ITGA9: variants seen among roughly 807,000 people sequenced by gnomAD.
The protein encoded by ITGA9 is integrin alpha-9.
ITGA9 carries 56 observed loss-of-function variants against 127.8 expected under a neutral mutation model. The ratio of observed to expected loss-of-function variants is 0.44; its 90% CI spans 0.35 to 0.55. The LOEUF (loss-of-function observed/expected upper bound fraction) is 0.55, where lower values mean the gene tolerates loss of function less well. Ranked by LOEUF, ITGA9 falls within the 20% of genes least tolerant of loss-of-function variation. The pLI, the probability that ITGA9 is intolerant of heterozygous loss-of-function variation, is 0.00. For missense variants in ITGA9, 1,196 were observed against 1,347.1 expected (o/e 0.89, Z 1.76); for synonymous variants, 508 against 514.5 (o/e 0.99, Z 0.17).
chr3:37,708,668 G>T (rs1392551252), intron 18 of ITGA9, among the ~76,000 whole-genome samples: 3 of 152,280 alleles, frequency 2.0e-5, no homozygotes, highest in African/African-American at 4.8e-5. Context: ...GCACAGGACA[G>T]CTCCCCATAC....
At chr3:37,818,191 T>TAAAAAAAAAAAAAAAAAAAAA (rs748381488) in intron 27 of ITGA9, 1 of 31,970 alleles carries the variant, frequency 3.1e-5, no homozygotes, top group African/African-American at 9.4e-5. Flanking sequence ...TAAGACTCTC[T>TAAAAAAAAAAAAAAAAAAAAA]AAAAAAAAAA....
intron 17 of ITGA9, among the ~76,000 whole-genome samples, chr3:37,667,078 G>T (rs1341668513): frequency 2.0e-5 from 3 of 152,134 alleles, no homozygotes; most frequent in African/African-American, 7.2e-5. Flanking sequence ...TGGGGTCAGG[G>T]TGGGGAGTGT....
chr3:37,750,426 C>A, intron 22 of ITGA9, 36 bp from the exon 23 acceptor site: 2 of 1,232,882 alleles, frequency 1.6e-6, no homozygotes, highest in Non-Finnish European at 2.4e-6. Flanking sequence ...CTGCTATTTT[C>A]CACTGAGACT....
intron 18 of ITGA9, among the ~76,000 whole-genome samples, chr3:37,703,522 T>A (rs1700971179): frequency 6.6e-6 from 1 of 152,250 alleles, no homozygotes; most frequent in Admixed American, 6.5e-5. Context: ...TGTGTATCAT[T>A]CTTTAAATAT....
chr3:37,471,241 T>G, intron 2 of ITGA9, 107 bp downstream of exon 2: 1 of 1,238,524 alleles, frequency 8.1e-7, no homozygotes, highest in Non-Finnish European at 1.2e-6. Flanking sequence ...CATCCTTCCC[T>G]CCTTCCCTCC....
At chr3:37,573,242 C>T (rs1203964830) in intron 15 of ITGA9, 7 of 152,168 alleles carry the variant, frequency 4.6e-5, no homozygotes, top group Non-Finnish European at 1.0e-4. Context: ...TCATCTTCTG[C>T]TTCAGGGACC....
At chr3:37,693,434 C>G (rs188052847) in intron 18 of ITGA9, among the ~76,000 whole-genome samples, 1 of 152,100 alleles carries the variant, frequency 6.6e-6, no homozygotes, top group Non-Finnish European at 1.5e-5. Context: ...CAGAAGGCAT[C>G]GAGGGCTTGT....
chr3:37,743,696 C>A (rs1559585172), intron 21 of ITGA9, among the ~76,000 whole-genome samples: 1 of 152,162 alleles, frequency 6.6e-6, no homozygotes, highest in East Asian at 1.9e-4. Flanking sequence ...GAAAGGTAAT[C>A]CCAGTGCATA....
intron 16 of ITGA9, among the ~76,000 whole-genome samples, chr3:37,637,729 G>C (rs1700294451): frequency 6.6e-6 from 1 of 152,194 alleles, no homozygotes; most frequent in Admixed American, 6.5e-5. Flanking sequence ...CTGGAGTGCA[G>C]TGACAGGAAC....
intron 23 of ITGA9, 141 bp from the exon 24 acceptor site, chr3:37,777,251 A>C (rs918463451): frequency 6.5e-6 from 6 of 919,974 alleles, no homozygotes; most frequent in Non-Finnish European, 1.0e-5. Flanking sequence ...TCAGCTTTTC[A>C]GCCATTGTTC....
intron 17 of ITGA9, among the ~76,000 whole-genome samples, chr3:37,677,754 G>A (rs890995482): frequency 6.6e-6 from 1 of 152,124 alleles, no homozygotes; most frequent in African/African-American, 2.4e-5. Context: ...GACCCAAATG[G>A]GCCCCCTTCC....
chr3:37,567,514 A>G (rs1699559332), intron 15 of ITGA9, among the ~76,000 whole-genome samples: 1 of 152,168 alleles, frequency 6.6e-6, no homozygotes, highest in Non-Finnish European at 1.5e-5. Flanking sequence ...TCATTTCAGC[A>G]TTAACTCAAA....
At chr3:37,697,250 T>A (rs1700894268) in intron 18 of ITGA9, among the ~76,000 whole-genome samples, 1 of 152,008 alleles carries the variant, frequency 6.6e-6, no homozygotes, top group Admixed American at 6.6e-5. Context: ...AGTAGTCATT[T>A]TTCAGTCTTC....
chr3:37,720,762 G>C (rs1461302549), intron 18 of ITGA9, among the ~76,000 whole-genome samples: 2 of 152,090 alleles, frequency 1.3e-5, no homozygotes, highest in African/African-American at 4.8e-5. Flanking sequence ...GTCCTGAAGA[G>C]GACAATCACC....
intron 23 of ITGA9, among the ~76,000 whole-genome samples, chr3:37,752,815 A>G (rs1272962398): frequency 6.6e-6 from 1 of 152,216 alleles, no homozygotes; most frequent in Non-Finnish European, 1.5e-5. Flanking sequence ...CTTGAGGTCC[A>G]GCTGTCTGTA....
rs1329639339 is a variant in ITGA9 at position 37,750,462 on chromosome 3, G to T, written c.2434G>T (p.Val812Phe). ...HFQPINITLQ[V>F]YNTGPSTLPG... is the part of the protein sequence containing the mutation. ...TGCTGTGTGTGTTCCACACCCACAG[G>T]TCTACAACACTGGCCCAAGCACCCT... Residue 812 changes from valine (V) to phenylalanine (F), a missense_variant and splice_region_variant, in exon 23 of 28, where the codon GTC (valine) becomes TTC (phenylalanine). Transcript: ENST00000264741. 1.3e-6 allele frequency: 2 copies of T among 1,592,300 alleles called. No homozygotes were observed. Among genetic ancestry groups the T allele is most frequent in the African/African-American group, 1.3e-5 (1 of 74,458 alleles).
intron 4 of ITGA9, among the ~76,000 whole-genome samples, chr3:37,493,143 AGTTAATGGCCACTTACTG>A (rs1158737241): frequency 6.6e-6 from 1 of 152,204 alleles, no homozygotes; most frequent in East Asian, 1.9e-4. Flanking sequence ...TTTAGCAGTC[AGTTAATGGCCACTTACTG>A]GAAAATGTTA....
intron 23 of ITGA9, among the ~76,000 whole-genome samples, chr3:37,760,700 T>C (rs1018353705): frequency 6.6e-6 from 1 of 152,156 alleles, no homozygotes; most frequent in Non-Finnish European, 1.5e-5. Flanking sequence ...TAAAGTTAGA[T>C]GTTAAAAAAA....
intron 15 of ITGA9, among the ~76,000 whole-genome samples, chr3:37,556,045 C>G (rs1416006326): frequency 2.0e-5 from 3 of 152,236 alleles, no homozygotes; most frequent in Non-Finnish European, 4.4e-5. Context: ...TCCTGATGCT[C>G]TTGCTAGTGC....
Sources: gnomAD v4.1 joint callset for allele counts (sites outside exome capture counted in the v4.1 genomes callset) on GRCh38, gnomAD v4.1.1 for gene constraint, MANE v1.5 for transcripts, NCBI Gene and HGNC (gene_info 2026-07-23, HGNC 2026-07-21) for gene names.